Variants in ADAMTS9 observed in about 807,000 individuals in gnomAD.
ADAMTS9 encodes ADAM metallopeptidase with thrombospondin type 1 motif 9.
In ADAMTS9, 107 loss-of-function variants were observed where a neutral mutation model predicts 257.1. That is an observed-to-expected ratio of 0.42 (90% CI 0.36 to 0.49). The LOEUF (loss-of-function observed/expected upper bound fraction) is 0.49. Among genes scored for constraint, ADAMTS9 ranks in the 20% least tolerant of loss-of-function variants. The pLI is 0.03. For synonymous variants in ADAMTS9, 982 were observed against 880.9 expected (o/e 1.11, Z -2.03); for missense variants, 2,353 against 2,469.1 (o/e 0.95, Z 1.00).
chr3:64,633,476 C>A lies in ADAMTS9; in HGVS notation c.2171G>T (p.Cys724Phe). 1 of 1,613,960 alleles carries A rather than the reference C, an allele frequency of 6.2e-7. No individual in the cohort carries two copies. The highest frequency in any genetic ancestry group is 8.5e-7 in the Non-Finnish European group (1 of 1,179,952). The change falls in exon 14 of 40, where the codon TGC (cysteine) becomes TTC (phenylalanine). Residue 724 changes from cysteine (C) to phenylalanine (F), a missense_variant. This residue lies in a region of ADAMTS9 where 360 missense variants were observed against 458.1 expected (regional missense o/e 0.79). Transcript: ENST00000498707. ...DTNDICVQGL[C>F]RQAGCDHVLN... ...AAAACACCATCAAGGACTTACCCGG[C>A]AAAGGCCCTGGACACAGATATCATT...
rs967961001 is a variant in ADAMTS9 at position 64,687,259 on chromosome 3, G to C, written c.115+284C>G. 6.6e-6 allele frequency among the ~76,000 whole-genome samples: 1 copy of C among 152,142 alleles called. No homozygotes were observed. The highest frequency in any genetic ancestry group is 2.4e-5 in the African/African-American group (1 of 41,438). ...AATAAAATAAAACATGACGCTATCT[G>C]GTGCCCCCAATTACTAAGTTACTTT... On this transcript the variant is annotated intron_variant, in intron 1 of 39. Coordinates refer to ENST00000498707, the MANE Select transcript of ADAMTS9 (RefSeq NM_182920.2). The surrounding 1 kb of genome is among the most constrained non-coding windows in gnomAD (Gnocchi z 4.4).
intron 38 of ADAMTS9, among the ~76,000 whole-genome samples, chr3:64,530,755 A>C (rs1194146712): frequency 6.6e-6 from 1 of 152,082 alleles, no homozygotes; most frequent in African/African-American, 2.4e-5. Context: ...GTTTCCTACA[A>C]TCACATTTTT....
intron 8 of ADAMTS9, among the ~76,000 whole-genome samples, chr3:64,651,804 C>T (rs1412098944): frequency 6.6e-6 from 1 of 152,172 alleles, no homozygotes; most frequent in African/African-American, 2.4e-5. Flanking sequence ...TAGTTTCATG[C>T]TTCATGCCAG....
chr3:64,590,603 T>C (rs2106780352), intron 28 of ADAMTS9, among the ~76,000 whole-genome samples: 1 of 152,246 alleles, frequency 6.6e-6, no homozygotes, highest in South Asian at 2.1e-4. Flanking sequence ...AGAGAAGCAG[T>C]GAGGTTATAA....
At chr3:64,598,319 A>ATT (rs34859673) in intron 26 of ADAMTS9, among the ~76,000 whole-genome samples, 11 of 136,314 alleles carry the variant, frequency 8.1e-5, no homozygotes, top group African/African-American at 1.1e-4. Context: ...TTCATTTCCT[A>ATT]TTTTTTTTTT....
chr3:64,627,086 T>C (rs1205246084), intron 16 of ADAMTS9, among the ~76,000 whole-genome samples: 1 of 152,186 alleles, frequency 6.6e-6, no homozygotes, highest in Non-Finnish European at 1.5e-5. Flanking sequence ...CCAGCTGATG[T>C]CTTGATAAAA....
At chr3:64,568,603 C>A (rs568866717) in intron 28 of ADAMTS9, 68 bp from the exon 29 acceptor site, 7 of 1,573,144 alleles carry the variant, frequency 4.4e-6, no homozygotes, top group Middle Eastern at 1.7e-4. Context: ...AAAAAACCTG[C>A]GTCTTGAGAT....
In ADAMTS9 at chr3:64,539,199, A is replaced by G. The variant is rs767040189; in HGVS notation, c.5613+4T>C. 26 of 1,612,004 alleles carry G rather than the reference A, an allele frequency of 1.6e-5. No individual in the cohort carries two copies. In the Middle Eastern group the frequency reaches 6.6e-4, roughly 41 times the overall value. ...TGGCAAGGGGGAAGGCACCAAGGACATACCTGTGGGCACTTGGCAGCGCTG... is the reference window on the plus strand; with the variant it reads ...TGGCAAGGGGGAAGGCACCAAGGACGTACCTGTGGGCACTTGGCAGCGCTG... On this transcript the variant is annotated splice_donor_region_variant and intron_variant, in intron 37 of 39. Coordinates refer to ENST00000498707, the MANE Select transcript of ADAMTS9 (RefSeq NM_182920.2).
intron 28 of ADAMTS9, among the ~76,000 whole-genome samples, chr3:64,578,461 T>C (rs899717252): frequency 6.6e-6 from 1 of 152,164 alleles, no homozygotes; most frequent in African/African-American, 2.4e-5. Flanking sequence ...CTGAGATGTA[T>C]TCAGATGGAA....
chr3:64,562,749 T>G (rs1359989364), intron 29 of ADAMTS9, among the ~76,000 whole-genome samples: 1 of 152,226 alleles, frequency 6.6e-6, no homozygotes, highest in Non-Finnish European at 1.5e-5. Flanking sequence ...TCTTCTTAAA[T>G]AATAGAATCA....
At chr3:64,576,208 T>C (rs1393606044) in intron 28 of ADAMTS9, among the ~76,000 whole-genome samples, 2 of 152,216 alleles carry the variant, frequency 1.3e-5, no homozygotes, top group Admixed American at 1.3e-4. Flanking sequence ...TTCTACTCCA[T>C]CATTCCCTGC....
At chr3:64,636,702 C>T (rs1407370122) in intron 12 of ADAMTS9, among the ~76,000 whole-genome samples, 1 of 152,126 alleles carries the variant, frequency 6.6e-6, no homozygotes, top group African/African-American at 2.4e-5. Flanking sequence ...GATTTTGGGA[C>T]ACATGTGAAC....
intron 12 of ADAMTS9, among the ~76,000 whole-genome samples, chr3:64,639,796 C>T (rs1481763612): frequency 2.0e-5 from 3 of 152,232 alleles, no homozygotes; most frequent in South Asian, 2.1e-4. Context: ...ATACAAGCAA[C>T]AAGGATGCAT....
At chr3:64,649,843 A>G (rs1269495029) in intron 9 of ADAMTS9, 65 bp from the exon 10 acceptor site, 1 of 1,543,788 alleles carries the variant, frequency 6.5e-7, no homozygotes, top group Non-Finnish European at 8.8e-7. Flanking sequence ...CCCCCAGGTA[A>G]CAGTAAAGGC....
At chr3:64,665,245 T>G (rs1199791294) in intron 3 of ADAMTS9, among the ~76,000 whole-genome samples, 1 of 152,198 alleles carries the variant, frequency 6.6e-6, no homozygotes, top group Non-Finnish European at 1.5e-5. Context: ...GCAACTACTT[T>G]GGCGTCGATG....
intron 26 of ADAMTS9, among the ~76,000 whole-genome samples, chr3:64,599,781 C>T (rs1178545367): frequency 6.6e-6 from 1 of 152,202 alleles, no homozygotes; most frequent in Non-Finnish European, 1.5e-5. Context: ...GTGCGGCCAC[C>T]TGTTTTTAGA....
At chr3:64,527,370 G>C (rs939961129) in intron 38 of ADAMTS9, among the ~76,000 whole-genome samples, 2 of 151,966 alleles carry the variant, frequency 1.3e-5, no homozygotes, top group African/African-American at 4.8e-5. Flanking sequence ...AGGCAGATTG[G>C]CTTCTTTGAT....
chr3:64,608,315 T>C (rs2084600503), intron 22 of ADAMTS9, among the ~76,000 whole-genome samples: 1 of 104,658 alleles, frequency 9.6e-6, no homozygotes, highest in Non-Finnish European at 2.1e-5. Flanking sequence ...AGAATGGAGA[T>C]AAATGAAATA....
intron 38 of ADAMTS9, among the ~76,000 whole-genome samples, chr3:64,529,704 T>G (rs993467282): frequency 6.6e-6 from 1 of 152,220 alleles, no homozygotes; most frequent in Non-Finnish European, 1.5e-5. Context: ...GTGCTTGGCT[T>G]CATTTAGGTT....
Sources: allele counts gnomAD v4.1 joint callset (sites outside exome capture counted in the v4.1 genomes callset), GRCh38; gene constraint gnomAD v4.1.1; regional missense constraint gnomAD v4.1.1; non-coding constraint Gnocchi (gnomAD v3.1); transcripts MANE v1.5; gene names NCBI Gene and HGNC (gene_info 2026-07-23, HGNC 2026-07-21).